Variants in C12orf75 observed in about 807,000 individuals in gnomAD.
C12orf75 encodes overexpressed in colon carcinoma 1 protein.
In C12orf75, 4 loss-of-function variants were observed where a neutral mutation model predicts 11.4. The ratio of observed to expected loss-of-function variants is 0.35; its 90% confidence interval spans 0.17 to 0.80. The LOEUF is 0.80. Ranked by LOEUF, C12orf75 falls within the 30% of genes least tolerant of loss-of-function variation. The pLI is 0.52. For synonymous variants in C12orf75, 30 were observed against 30.0 expected (o/e 1.00, Z 0.00); for missense variants, 89 against 80.4 (o/e 1.11, Z -0.41).
At chr12:105,340,419 C>G (rs1057093832) in intron 1 of C12orf75, among the ~76,000 whole-genome samples, 1 of 120,224 alleles carries the variant, frequency 8.3e-6, no homozygotes, top group East Asian at 2.5e-4. Flanking sequence ...AGTGAGACTC[C>G]GTGCCCCCGC....
chr12:105,367,707 T>A (rs749406092), intron 5 of C12orf75, among the ~76,000 whole-genome samples, 198 bp downstream of exon 5: 13 of 152,196 alleles, frequency 8.5e-5, no homozygotes, highest in Non-Finnish European at 1.8e-4. Context: ...GCTACTTTTT[T>A]CATTTCATTT....
At chr12:105,342,204 T>C (rs1269624906) in intron 1 of C12orf75, among the ~76,000 whole-genome samples, 2 of 152,200 alleles carry the variant, frequency 1.3e-5, no homozygotes, top group African/African-American at 4.8e-5. Flanking sequence ...TGGGACCTAA[T>C]AAGAAGTGAT....
chr12:105,353,132 A>G (rs1261543338), intron 2 of C12orf75, among the ~76,000 whole-genome samples: 1 of 152,188 alleles, frequency 6.6e-6, no homozygotes, highest in African/African-American at 2.4e-5. Context: ...ACAAACAAAC[A>G]CAAAGGAATT....
At chr12:105,332,370 T>G (rs1892441178) in intron 1 of C12orf75, among the ~76,000 whole-genome samples, 1 of 152,140 alleles carries the variant, frequency 6.6e-6, no homozygotes, top group Non-Finnish European at 1.5e-5. Flanking sequence ...GCATGTACAT[T>G]TTGATTTATT....
intron 2 of C12orf75, among the ~76,000 whole-genome samples, chr12:105,352,204 A>G (rs149008750): frequency 6.6e-6 from 1 of 152,350 alleles, no homozygotes; most frequent in Non-Finnish European, 1.5e-5. Context: ...AAGGAGGAAG[A>G]GAAGTCATTG....
At chr12:105,340,910 C>T (rs1892565301) in intron 1 of C12orf75, among the ~76,000 whole-genome samples, 1 of 152,090 alleles carries the variant, frequency 6.6e-6, no homozygotes, top group South Asian at 2.1e-4. Flanking sequence ...CTTGCTGCAC[C>T]AGAAGCCAGG....
intron 1 of C12orf75, among the ~76,000 whole-genome samples, chr12:105,332,835 T>C (rs1892451628): frequency 6.6e-6 from 1 of 150,482 alleles, no homozygotes; most frequent in South Asian, 2.1e-4. Context: ...GGGGGGAAAA[T>C]ATGATTTCTT....
chr12:105,355,326 C>T lies in C12orf75; in HGVS notation c.71+6700C>T, dbSNP rs182090488. 3.9e-4 allele frequency among the ~76,000 whole-genome samples: 59 copies of T among 152,078 alleles called. No individual in the cohort carries two copies. The East Asian group carries it at 8.9e-3, about 23-fold the overall frequency. On this transcript the variant is annotated intron_variant, in intron 2 of 5. Transcript: ENST00000443585. ...CTGGGATTACAAGCGCATGTCACCA[C>T]GCCCAGCTGATTTTTGTGTTTTTAG...
At chr12:105,348,418 CA>C (rs35593271) in intron 1 of C12orf75, among the ~76,000 whole-genome samples, 183 bp from the exon 2 acceptor site, 76,765 of 116,818 alleles carry the variant, frequency 0.66, 23,012 homozygotes, top group East Asian at 0.72. Flanking sequence ...GTATCTGAAA[CA>C]AAAAAAAAAA....
chr12:105,367,378 T>C, intron 4 of C12orf75, 94 bp from the exon 5 acceptor site: 1 of 467,656 alleles, frequency 2.1e-6, no homozygotes. Context: ...GACTAGCAAA[T>C]ACATGTATGT....
At chr12:105,358,313 C>A (rs1329638077) in intron 2 of C12orf75, among the ~76,000 whole-genome samples, 1 of 152,052 alleles carries the variant, frequency 6.6e-6, no homozygotes, top group African/African-American at 2.4e-5. Context: ...CTGAGGAGTT[C>A]GAGACCAGTC....
chr12:105,363,250 G>C (rs868402025), intron 2 of C12orf75, among the ~76,000 whole-genome samples: 3 of 152,268 alleles, frequency 2.0e-5, no homozygotes, highest in Non-Finnish European at 4.4e-5. Flanking sequence ...CACGTGCAGT[G>C]TCCTGCACTG....
At chr12:105,345,107 A>C (rs117575834) in intron 1 of C12orf75, among the ~76,000 whole-genome samples, 2 of 152,018 alleles carry the variant, frequency 1.3e-5, no homozygotes, top group African/African-American at 4.8e-5. Flanking sequence ...TTCAGGCACA[A>C]CTGACCAGCA....
chr12:105,348,954 T>G (rs1215797973), intron 2 of C12orf75, among the ~76,000 whole-genome samples: 1 of 152,226 alleles, frequency 6.6e-6, no homozygotes, highest in African/African-American at 2.4e-5. Context: ...AATAAGCATG[T>G]AGCTCCTATG....
chr12:105,357,129 A>T (rs746034050), intron 2 of C12orf75, among the ~76,000 whole-genome samples: 2 of 152,218 alleles, frequency 1.3e-5, no homozygotes, highest in African/African-American at 4.8e-5. Flanking sequence ...TCTCCAGTTC[A>T]TTCAGAAAAA....
intron 1 of C12orf75, among the ~76,000 whole-genome samples, chr12:105,346,969 G>T (rs1163442688): frequency 6.6e-6 from 1 of 152,206 alleles, no homozygotes; most frequent in Non-Finnish European, 1.5e-5. Flanking sequence ...TGTGTTAAGT[G>T]TTTACATTGT....
chr12:105,345,659 CTTTT>C (rs771376717), intron 1 of C12orf75, among the ~76,000 whole-genome samples: 2,492 of 73,554 alleles, frequency 0.034, 107 homozygotes, highest in African/African-American at 0.13. Context: ...AGTGTCTGGC[CTTTT>C]TTTTTTTTTT....
intron 2 of C12orf75, among the ~76,000 whole-genome samples, chr12:105,354,321 A>G (rs771993532): frequency 2.0e-5 from 3 of 152,216 alleles, no homozygotes; most frequent in Non-Finnish European, 2.9e-5. Context: ...CTTCATCATC[A>G]TCATTCTTAC....
chr12:105,365,549 GT>G (rs1451522271), intron 2 of C12orf75, among the ~76,000 whole-genome samples: 4 of 152,320 alleles, frequency 2.6e-5, no homozygotes, highest in Non-Finnish European at 5.9e-5. Flanking sequence ...TTTGGCAGTT[GT>G]GCATTTTGGC....
Sources: allele counts gnomAD v4.1 joint callset (sites outside exome capture counted in the v4.1 genomes callset), GRCh38; gene constraint gnomAD v4.1.1; transcripts MANE v1.5; gene names NCBI Gene and HGNC (gene_info 2026-07-23, HGNC 2026-07-21).